The following CAMK4 variants were observed in gnomAD, a reference collection of about 807,000 sequenced individuals.
CAMK4 encodes calcium/calmodulin dependent protein kinase IV, also known as calcium/calmodulin-dependent protein kinase type IV.
Under a neutral mutation model 44.9 loss-of-function variants are expected in CAMK4, and 22 were observed. That is an observed-to-expected ratio of 0.49 (90% confidence interval 0.35 to 0.70). The LOEUF is 0.70. Ranked by LOEUF, CAMK4 falls within the 30% of genes least tolerant of loss-of-function variation. The pLI, the probability that CAMK4 is intolerant of heterozygous loss-of-function variation, is 0.01. For synonymous variants in CAMK4, 218 were observed against 215.4 expected, an observed-to-expected ratio of 1.01 and a Z score of -0.11; for missense variants, 498 against 586.8, an observed-to-expected ratio of 0.85 and a Z score of 1.56.
At chr5:111,456,653 A>G (rs1754428644) in intron 7 of CAMK4, among the ~76,000 whole-genome samples, 1 of 116,418 alleles carries the variant, frequency 8.6e-6, no homozygotes. Context: ...AGTGGTTTTA[A>G]TAGGGTAAAC....
intron 5 of CAMK4, among the ~76,000 whole-genome samples, chr5:111,404,677 T>C (rs983480408): frequency 1.3e-5 from 2 of 152,138 alleles, no homozygotes; most frequent in Non-Finnish European, 2.9e-5. Flanking sequence ...CGAATGCTGG[T>C]CAGTTGTTGT....
chr5:111,480,379 A>G (rs1755395256), intron 9 of CAMK4, among the ~76,000 whole-genome samples: 1 of 151,404 alleles, frequency 6.6e-6, no homozygotes, highest in Non-Finnish European at 1.5e-5. Flanking sequence ...CCTCCCACCT[A>G]TAGTTGGTTC....
intron 5 of CAMK4, among the ~76,000 whole-genome samples, chr5:111,435,315 C>A (rs1307732813): frequency 6.6e-6 from 1 of 152,092 alleles, no homozygotes; most frequent in East Asian, 1.9e-4. Context: ...ATACCTTTTA[C>A]TTGCATCCCA....
intron 2 of CAMK4, among the ~76,000 whole-genome samples, chr5:111,367,724 G>A (rs1385708125): frequency 6.6e-6 from 1 of 152,062 alleles, no homozygotes; most frequent in African/African-American, 2.4e-5. Context: ...ATACCTCCCA[G>A]AAAAATGGAA....
At chr5:111,436,105 A>G (rs1310033121) in intron 5 of CAMK4, among the ~76,000 whole-genome samples, 1 of 152,200 alleles carries the variant, frequency 6.6e-6, no homozygotes, top group East Asian at 1.9e-4. Context: ...AAGGATTGCT[A>G]CTGAAAACAA....
intron 1 of CAMK4, among the ~76,000 whole-genome samples, chr5:111,300,975 TTTA>T (rs138207031): frequency 0.15 from 23,543 of 152,144 alleles, 1,916 homozygotes; most frequent in South Asian, 0.25. Flanking sequence ...TGGGATTTTA[TTTA>T]TTATTAAGAA....
At chr5:111,426,639 C>A (rs1012860054) in intron 5 of CAMK4, among the ~76,000 whole-genome samples, 1 of 152,130 alleles carries the variant, frequency 6.6e-6, no homozygotes. Context: ...TAACGCCACC[C>A]CTCCCCCACC....
chr5:111,362,593 A>T (rs761305098), intron 2 of CAMK4, among the ~76,000 whole-genome samples: 2 of 152,054 alleles, frequency 1.3e-5, no homozygotes, highest in Non-Finnish European at 2.9e-5. Context: ...CTATATTTTT[A>T]AATGTGACTA....
chr5:111,236,674 A>G (rs531424197), intron 1 of CAMK4, among the ~76,000 whole-genome samples: 16 of 152,324 alleles, frequency 1.1e-4, no homozygotes. Flanking sequence ...CAGGACAGTC[A>G]TCCACCTCAG....
chr5:111,225,069 C>T (rs1748121298), intron 1 of CAMK4, among the ~76,000 whole-genome samples: 1 of 152,188 alleles, frequency 6.6e-6, no homozygotes, highest in Non-Finnish European at 1.5e-5. Flanking sequence ...TAGATTCCTC[C>T]TCCTTCCCCT....
At chr5:111,385,866 C>G (rs913758360) in intron 4 of CAMK4, among the ~76,000 whole-genome samples, 1 of 152,166 alleles carries the variant, frequency 6.6e-6, no homozygotes, top group African/African-American at 2.4e-5. Flanking sequence ...TAAGCCACCA[C>G]GCCCGGCTGC....
At chr5:111,390,280 T>G (rs928191228) in intron 4 of CAMK4, among the ~76,000 whole-genome samples, 6 of 152,258 alleles carry the variant, frequency 3.9e-5, no homozygotes, top group African/African-American at 1.4e-4. Context: ...TAATTGAAAT[T>G]TTTGCCTCAA....
intron 1 of CAMK4, among the ~76,000 whole-genome samples, chr5:111,313,404 T>G (rs984361079): frequency 6.6e-6 from 1 of 152,122 alleles, no homozygotes; most frequent in Admixed American, 6.6e-5. Context: ...CCTTTTAATA[T>G]GTCCTTATAC....
chr5:111,326,697 A>G (rs545883389), intron 1 of CAMK4, among the ~76,000 whole-genome samples: 2 of 151,544 alleles, frequency 1.3e-5, no homozygotes, highest in Admixed American at 1.3e-4. Context: ...AAAAAAGAGT[A>G]CAAAGAAACA....
chr5:111,432,654 ATG>A (rs200057213), intron 5 of CAMK4, among the ~76,000 whole-genome samples: 2 of 119,938 alleles, frequency 1.7e-5, no homozygotes, highest in Non-Finnish European at 3.5e-5. Flanking sequence ...ATATGTATAT[ATG>A]TGTGTGTATA....
chr5:111,259,370 G>T (rs182448218), intron 1 of CAMK4, among the ~76,000 whole-genome samples: 1 of 152,260 alleles, frequency 6.6e-6, no homozygotes, highest in East Asian at 1.9e-4. Context: ...AAAAACAATA[G>T]TTTTCTCAGT....
At chr5:111,297,024 C>G (rs577417105) in intron 1 of CAMK4, among the ~76,000 whole-genome samples, 10 of 152,156 alleles carry the variant, frequency 6.6e-5, no homozygotes, top group Non-Finnish European at 1.3e-4. Context: ...AGAATTGGCC[C>G]CAAATCCTTA....
At position 111,462,343 on chromosome 5, in the gene CAMK4, GT is replaced by G. The variant is rs368359438; in HGVS notation, c.626-10963del. The stretch of plus-strand genomic sequence containing the variant: ...ATCACTTTGCATTTCTTCCTTTGAT[GT>G]TTTTGATTTATGTCTACATCCCCCA... On this transcript the variant is annotated intron_variant, in intron 7 of 10. Coordinates refer to ENST00000282356, the MANE Select transcript of CAMK4 (RefSeq NM_001744.6). Among the ~76,000 whole-genome samples the G allele has an allele frequency of 1.2e-3, 181 of 152,242 alleles. 3 individuals are homozygous for G. The South Asian group carries it at 0.036, about 30-fold the overall frequency.
intron 1 of CAMK4, among the ~76,000 whole-genome samples, chr5:111,238,242 T>G (rs1463759442): frequency 6.6e-6 from 1 of 152,218 alleles, no homozygotes; most frequent in African/African-American, 2.4e-5. Context: ...ACCAGTCATT[T>G]CCTTGTATCT....
Sources: gnomAD v4.1 joint callset for allele counts (sites outside exome capture counted in the v4.1 genomes callset) on GRCh38, gnomAD v4.1.1 for gene constraint, MANE v1.5 for transcripts, NCBI Gene and HGNC (gene_info 2026-07-23, HGNC 2026-07-21) for gene names.